The following WDFY4 variants were observed in gnomAD, a reference collection of about 807,000 sequenced individuals.
The protein encoded by WDFY4 is WDFY family member 4, also known as WD repeat- and FYVE domain-containing protein 4.
WDFY4 carries 169 observed loss-of-function variants against 351.9 expected under a neutral mutation model. That is an observed-to-expected ratio of 0.48 (90% confidence interval 0.42 to 0.55). WDFY4 has a LOEUF of 0.55. Among genes scored for constraint, WDFY4 ranks in the 20% least tolerant of loss-of-function variants. The probability of loss-of-function intolerance (pLI) is 0.00; values close to 1 mark genes in which losing one functional copy is unlikely to be tolerated. For synonymous variants in WDFY4, 1,622 were observed against 1,574.6 expected, an observed-to-expected ratio of 1.03 and a Z score of -0.71; for missense variants, 3,803 against 3,935.6, an observed-to-expected ratio of 0.97 and a Z score of 0.90.
chr10:48,710,245 A>G (rs114694766), intron 2 of WDFY4, among the ~76,000 whole-genome samples: 3,597 of 152,296 alleles, frequency 0.024, 142 homozygotes, highest in African/African-American at 0.083. Flanking sequence ...GGCTCATAGA[A>G]GGTGCCTTCT....
chr10:48,768,696 CA>C (rs1448015418), intron 13 of WDFY4, among the ~76,000 whole-genome samples: 1 of 141,988 alleles, frequency 7.0e-6, no homozygotes, highest in African/African-American at 2.6e-5. Context: ...AGCAGCCACC[CA>C]CGGTGTTGTG....
intron 24 of WDFY4, among the ~76,000 whole-genome samples, chr10:48,800,376 C>A (rs529915964): frequency 6.6e-6 from 1 of 151,916 alleles, no homozygotes; most frequent in South Asian, 2.1e-4. Flanking sequence ...GTGAAGCAGA[C>A]AGGAAGAGGA....
intron 34 of WDFY4, 147 bp downstream of exon 34, chr10:48,821,323 C>T (rs901277739): frequency 1.8e-5 from 11 of 623,306 alleles, no homozygotes; most frequent in Non-Finnish European, 3.1e-5. Context: ...TCAACAAGAA[C>T]TCCCTGGCTC....
chr10:48,892,808 C>A (rs766589824), intron 44 of WDFY4, among the ~76,000 whole-genome samples: 1 of 152,208 alleles, frequency 6.6e-6, no homozygotes, highest in Non-Finnish European at 1.5e-5. Flanking sequence ...AAGAACATTA[C>A]AGACTCCTTG....
chr10:48,835,794 T>C (rs548672294), intron 39 of WDFY4, among the ~76,000 whole-genome samples: 25 of 152,378 alleles, frequency 1.6e-4, no homozygotes, highest in African/African-American at 5.8e-4. Context: ...ATTTTTTCTT[T>C]CTACACTTTA....
At chr10:48,787,114 T>A (rs539905246) in intron 20 of WDFY4, among the ~76,000 whole-genome samples, 1 of 152,316 alleles carries the variant, frequency 6.6e-6, no homozygotes, top group African/African-American at 2.4e-5. Context: ...GGCAATACCA[T>A]CAGCAAAGAA....
chr10:48,747,447 C>T (rs999090638), intron 12 of WDFY4, among the ~76,000 whole-genome samples: 10 of 152,034 alleles, frequency 6.6e-5, no homozygotes, highest in African/African-American at 2.2e-4. Flanking sequence ...ATCCCTTTTC[C>T]TATTATGCCT....
intron 10 of WDFY4, among the ~76,000 whole-genome samples, chr10:48,735,070 C>T (rs780953683): frequency 2.3e-4 from 34 of 150,812 alleles, no homozygotes; most frequent in South Asian, 2.1e-4. Context: ...GGATTACAGG[C>T]GTGAGCCACC....
At chr10:48,901,947 G>A in intron 47 of WDFY4, 84 bp downstream of exon 47, 1 of 1,274,204 alleles carries the variant, frequency 7.8e-7, no homozygotes, top group Non-Finnish European at 1.1e-6. Context: ...CTCTAAAGAA[G>A]TCTTGCAGAG....
chr10:48,764,683 G>A (rs1302016935), intron 13 of WDFY4, among the ~76,000 whole-genome samples: 3 of 152,252 alleles, frequency 2.0e-5, no homozygotes, highest in African/African-American at 7.2e-5. Context: ...GCCAGGTCTA[G>A]TTTAGCAGAG....
intron 39 of WDFY4, among the ~76,000 whole-genome samples, chr10:48,841,877 A>G (rs944171870): frequency 4.6e-5 from 7 of 152,230 alleles, no homozygotes; most frequent in Admixed American, 6.5e-5. Context: ...TCAAGTCTCC[A>G]TAGCTTTCAT....
intron 44 of WDFY4, among the ~76,000 whole-genome samples, chr10:48,896,889 G>T (rs190571683): frequency 6.6e-6 from 1 of 152,078 alleles, no homozygotes; most frequent in African/African-American, 2.4e-5. Context: ...AATACAAAAC[G>T]AGAACACCTG....
At chr10:48,793,601 A>C (rs543241035) in intron 23 of WDFY4, among the ~76,000 whole-genome samples, 1 of 151,982 alleles carries the variant, frequency 6.6e-6, no homozygotes, top group Admixed American at 6.5e-5. Context: ...CTGCATGTGC[A>C]TTTGCGTGAT....
In WDFY4 at chr10:48,973,426, G is replaced by C. The variant is rs1842419370; in HGVS notation, c.8929-1436G>C. The stretch of plus-strand genomic sequence containing the variant: ...TGTTAGGATCCATTAAGGACAAACA[G>C]GAGCTTGTGGCAGAACCTTTCATTG... On this transcript the variant is annotated intron_variant, in intron 57 of 61. Coordinates refer to ENST00000325239, the MANE Select transcript of WDFY4 (RefSeq NM_001394531.1). Among the ~76,000 whole-genome samples, 5 of 152,354 alleles carry C rather than the reference G, an allele frequency of 3.3e-5. No homozygotes were observed. In the South Asian group the frequency reaches 1.0e-3, roughly 32 times the overall value.
intron 55 of WDFY4, 101 bp downstream of exon 55, chr10:48,966,774 A>G (rs1842102705): frequency 7.1e-7 from 1 of 1,413,562 alleles, no homozygotes; most frequent in Admixed American, 2.4e-5. Flanking sequence ...TGGGCAAAGT[A>G]TTGGGGACTG....
intron 61 of WDFY4, 81 bp downstream of exon 61, chr10:48,981,559 C>G (rs1056949209): frequency 3.3e-5 from 45 of 1,362,928 alleles, no homozygotes; most frequent in Non-Finnish European, 4.3e-5. Flanking sequence ...GCTCTGAGTC[C>G]AGGCCACCTG....
intron 47 of WDFY4, among the ~76,000 whole-genome samples, chr10:48,917,146 T>C (rs1322898469): frequency 6.6e-6 from 1 of 152,212 alleles, no homozygotes; most frequent in Non-Finnish European, 1.5e-5. Flanking sequence ...TAGTAGGCTA[T>C]ACCATCTAGG....
At chr10:48,773,984 C>G (rs1470920848) in intron 13 of WDFY4, among the ~76,000 whole-genome samples, 1 of 151,982 alleles carries the variant, frequency 6.6e-6, no homozygotes, top group African/African-American at 2.4e-5. Flanking sequence ...CAGCTCCCAC[C>G]CAGCACCAGC....
At chr10:48,939,324 C>T (rs1840619497) in intron 47 of WDFY4, among the ~76,000 whole-genome samples, 1 of 152,202 alleles carries the variant, frequency 6.6e-6, no homozygotes, top group South Asian at 2.1e-4. Context: ...TAGCCTTTTC[C>T]AGACCCATGG....
Sources: gnomAD v4.1 joint callset for allele counts (sites outside exome capture counted in the v4.1 genomes callset) on GRCh38, gnomAD v4.1.1 for gene constraint, MANE v1.5 for transcripts, NCBI Gene and HGNC (gene_info 2026-07-23, HGNC 2026-07-21) for gene names.